NAV2: variants seen among roughly 807,000 people sequenced by gnomAD.
NAV2 encodes helicase, APC down-regulated 1.
In NAV2, 54 loss-of-function variants were observed where a neutral mutation model predicts 223.2. The observed-to-expected ratio is 0.24, with a 90% confidence interval of 0.19 to 0.30. The LOEUF (loss-of-function observed/expected upper bound fraction) is 0.30. Ranked by LOEUF, NAV2 falls within the 10% of genes least tolerant of loss-of-function variation. The pLI, the probability that NAV2 is intolerant of heterozygous loss-of-function variation, is 1.00. For synonymous variants in NAV2, 1,279 were observed against 1,239.3 expected (o/e 1.03, Z -0.67); for missense variants, 2,806 against 3,147.5 (o/e 0.89, Z 2.60).
intron 1 of NAV2, among the ~76,000 whole-genome samples, chr11:19,730,734 G>A (rs1477342608): frequency 6.6e-6 from 1 of 152,142 alleles, no homozygotes; most frequent in African/African-American, 2.4e-5. Flanking sequence ...CCTGAGCCAG[G>A]CCTTGCTCAC....
At chr11:19,791,600 A>T (rs1175602142) in intron 1 of NAV2, among the ~76,000 whole-genome samples, 2 of 152,156 alleles carry the variant, frequency 1.3e-5, no homozygotes, top group East Asian at 3.9e-4. Context: ...CCCTAAAAAG[A>T]GTTAGTTCCA....
intron 1 of NAV2, among the ~76,000 whole-genome samples, chr11:19,637,863 A>G (rs1404195083): frequency 2.6e-5 from 4 of 152,218 alleles, no homozygotes; most frequent in Admixed American, 1.3e-4. Flanking sequence ...TCCAAACTAT[A>G]TCAGGATTCT....
chr11:20,091,047 C>T (rs747827440), intron 27 of NAV2, 29 bp downstream of exon 27: 2 of 1,607,528 alleles, frequency 1.2e-6, no homozygotes, highest in Non-Finnish European at 1.7e-6. Context: ...GGGCTGAGCT[C>T]AAGGCTGTCT....
At position 19,401,529 on chromosome 11, in the gene NAV2, G is replaced by A. The variant is rs540109258; in HGVS notation, c.75+50502G>A. ...GCTTTATTTGGCCTTAGACATTAGA[G>A]CGAGACAGGGATATGTCTGGATCTT... is the stretch of plus-strand genomic sequence containing the variant. On this transcript the variant is annotated intron_variant, in intron 1 of 37. Transcript: ENST00000360655. 1.6e-4 allele frequency among the ~76,000 whole-genome samples: 24 copies of A among 152,304 alleles called. 1 individual carries two copies. In the South Asian group the frequency reaches 5.0e-3, roughly 32 times the overall value.
At chr11:19,976,962 A>T (rs1348959365) in intron 10 of NAV2, among the ~76,000 whole-genome samples, 2 of 152,134 alleles carry the variant, frequency 1.3e-5, no homozygotes, top group African/African-American at 4.8e-5. Flanking sequence ...GAACTCCCAA[A>T]TCCTCCTAAA....
chr11:19,451,474 A>G (rs1311022720), intron 1 of NAV2, among the ~76,000 whole-genome samples: 1 of 152,162 alleles, frequency 6.6e-6, no homozygotes, highest in Non-Finnish European at 1.5e-5. Flanking sequence ...ACAGATATTT[A>G]TTGAGGACCT....
At chr11:19,535,716 T>C (rs890908288) in intron 1 of NAV2, among the ~76,000 whole-genome samples, 7 of 152,174 alleles carry the variant, frequency 4.6e-5, no homozygotes, top group African/African-American at 1.4e-4. Flanking sequence ...CTGTTGGCCT[T>C]ATGGGTTCAG....
intron 1 of NAV2, among the ~76,000 whole-genome samples, chr11:19,821,381 C>T (rs182731301): frequency 6.6e-6 from 1 of 152,054 alleles, no homozygotes; most frequent in East Asian, 1.9e-4. Context: ...TCTCCCAGCA[C>T]GTTCACCAGC....
At position 19,530,697 on chromosome 11, in the gene NAV2, A is replaced by G. The variant is rs148338461; in HGVS notation, c.75+179670A>G. ...TCCGTGGCTAAATGTAGAGGTTGGA[A>G]CAACAGTAATAAAGTAATAAACGAT... On this transcript the variant is annotated intron_variant, in intron 1 of 37. Transcript: ENST00000360655. Among the ~76,000 whole-genome samples, 325 of 152,338 alleles carry G rather than the reference A, an allele frequency of 2.1e-3. 1 individual carries two copies. Among genetic ancestry groups the G allele is most frequent in the Non-Finnish European group, 3.9e-3 (262 of 68,038 alleles).
At chr11:19,407,444 C>T (rs1849947520) in intron 1 of NAV2, among the ~76,000 whole-genome samples, 1 of 152,182 alleles carries the variant, frequency 6.6e-6, no homozygotes, top group African/African-American at 2.4e-5. Flanking sequence ...CAAAGGCCTA[C>T]AGATATAGCC....
At chr11:19,408,825 G>GAGGT (rs1564913846) in intron 1 of NAV2, among the ~76,000 whole-genome samples, 3 of 131,236 alleles carry the variant, frequency 2.3e-5, no homozygotes, top group East Asian at 4.6e-4. Context: ...CTGGCGGGGT[G>GAGGT]GGGGGATGTT....
chr11:19,706,260 T>C (rs1408100894), intron 1 of NAV2, among the ~76,000 whole-genome samples: 2 of 152,222 alleles, frequency 1.3e-5, no homozygotes, highest in African/African-American at 2.4e-5. Flanking sequence ...TAATCCTTTG[T>C]GGGATGAGGC....
intron 3 of NAV2, among the ~76,000 whole-genome samples, chr11:19,863,738 T>C (rs1304857220): frequency 6.6e-6 from 1 of 152,212 alleles, no homozygotes; most frequent in Non-Finnish European, 1.5e-5. Flanking sequence ...CATAACAGCT[T>C]GTCATCATAT....
At chr11:19,827,314 C>T (rs1415596631) in intron 1 of NAV2, among the ~76,000 whole-genome samples, 9 of 152,178 alleles carry the variant, frequency 5.9e-5, no homozygotes, top group Admixed American at 5.9e-4. Context: ...CACTCGGTCA[C>T]AACTGCTCGG....
chr11:19,960,659 G>A lies in NAV2; in HGVS notation c.2645+11579G>A, dbSNP rs144051396. Among the ~76,000 whole-genome samples the A allele has an allele frequency of 9.6e-3, 1,460 of 151,512 alleles. 19 individuals are homozygous for A. The highest frequency in any genetic ancestry group is 0.034 in the African/African-American group (1,397 of 41,222). On this transcript the variant is annotated intron_variant, in intron 10 of 37. Coordinates refer to ENST00000349880, the MANE Select transcript of NAV2 (RefSeq NM_145117.5). ...GACAGAATCTTGCTCCGTTGCCCAGGCTGGAGGGCAGTGGCACAATCTCAG... is the reference window on the plus strand; with the variant it reads ...GACAGAATCTTGCTCCGTTGCCCAGACTGGAGGGCAGTGGCACAATCTCAG...
At chr11:19,522,416 G>A (rs1333780976) in intron 1 of NAV2, among the ~76,000 whole-genome samples, 2 of 152,190 alleles carry the variant, frequency 1.3e-5, no homozygotes, top group African/African-American at 2.4e-5. Flanking sequence ...GATTTTCAGC[G>A]ATAAACAGCT....
chr11:19,448,305 C>T (rs759800840), intron 1 of NAV2, among the ~76,000 whole-genome samples: 4 of 152,156 alleles, frequency 2.6e-5, no homozygotes, highest in Non-Finnish European at 5.9e-5. Context: ...CAACCCTCCC[C>T]GTGGGGTTGG....
chr11:19,536,891 G>T (rs372714468), intron 1 of NAV2, among the ~76,000 whole-genome samples: 2 of 152,236 alleles, frequency 1.3e-5, no homozygotes, highest in African/African-American at 4.8e-5. Flanking sequence ...AGAGGGACAT[G>T]AACTTGGGCA....
At chr11:20,106,594 A>G (rs1366174686) in intron 35 of NAV2, among the ~76,000 whole-genome samples, 2 of 147,886 alleles carry the variant, frequency 1.4e-5, no homozygotes, top group East Asian at 4.0e-4. Context: ...ATTTAGCACT[A>G]TCTCATGAGC....
Sources: allele counts gnomAD v4.1 joint callset (sites outside exome capture counted in the v4.1 genomes callset), GRCh38; gene constraint gnomAD v4.1.1; transcripts MANE v1.5; gene names NCBI Gene and HGNC (gene_info 2026-07-23, HGNC 2026-07-21).